Variants in PRKG1 observed in about 807,000 individuals in gnomAD.
PRKG1 encodes the protein protein kinase cGMP-dependent 1.
In PRKG1, 35 loss-of-function variants were observed where a neutral mutation model predicts 88.1. That is an observed-to-expected ratio of 0.40 (90% CI 0.30 to 0.53). PRKG1 has a LOEUF of 0.53. PRKG1 is among the 20% of genes least tolerant of loss of function. The probability of loss-of-function intolerance (pLI) is 0.59; values close to 1 mark genes in which losing one functional copy is unlikely to be tolerated. For synonymous variants in PRKG1, 303 were observed against 292.5 expected, an observed-to-expected ratio of 1.04 and a Z score of -0.37; for missense variants, 540 against 839.8, an observed-to-expected ratio of 0.64 and a Z score of 4.41.
intron 2 of PRKG1, among the ~76,000 whole-genome samples, chr10:51,219,644 A>T (rs1838473481): frequency 1.3e-5 from 2 of 151,896 alleles, no homozygotes; most frequent in African/African-American, 4.8e-5. Context: ...CAGGAGGCAG[A>T]GGTTGCAGTG....
intron 1 of PRKG1, among the ~76,000 whole-genome samples, chr10:51,040,345 G>A (rs1344867705): frequency 3.8e-5 from 4 of 105,780 alleles, no homozygotes; most frequent in Admixed American, 2.8e-4. Flanking sequence ...TTGAGATGGC[G>A]TCTTGCTCTG....
chr10:51,433,561 C>T (rs1838832756), intron 2 of PRKG1, among the ~76,000 whole-genome samples: 1 of 151,938 alleles, frequency 6.6e-6, no homozygotes, highest in Non-Finnish European at 1.5e-5. Flanking sequence ...CCCTGCCAGG[C>T]CTTTGGCTTT....
At chr10:51,551,697 G>T (rs1028929496) in intron 3 of PRKG1, among the ~76,000 whole-genome samples, 1 of 151,642 alleles carries the variant, frequency 6.6e-6, no homozygotes, top group African/African-American at 2.4e-5. Flanking sequence ...ACTAATAATT[G>T]AGTGAGACTC....
intron 10 of PRKG1, among the ~76,000 whole-genome samples, chr10:52,270,947 G>A (rs1436963473): frequency 6.6e-6 from 1 of 151,772 alleles, no homozygotes; most frequent in Non-Finnish European, 1.5e-5. Context: ...AGAATATAAA[G>A]GCCCATATAA....
intron 1 of PRKG1, among the ~76,000 whole-genome samples, chr10:51,047,358 C>A (rs755053936): frequency 1.3e-5 from 2 of 152,150 alleles, no homozygotes; most frequent in Non-Finnish European, 2.9e-5. Flanking sequence ...TTGTGAGGAA[C>A]AAATGAGATA....
chr10:52,178,517 C>T (rs10824206), intron 9 of PRKG1, among the ~76,000 whole-genome samples: 64,351 of 151,552 alleles, frequency 0.42, 14,107 homozygotes, highest in African/African-American at 0.54. Context: ...TTCATTTGCT[C>T]GATGGTGTAC....
At chr10:51,231,166 G>GT (rs981820836) in intron 2 of PRKG1, among the ~76,000 whole-genome samples, 3 of 152,124 alleles carry the variant, frequency 2.0e-5, no homozygotes, top group Admixed American at 6.5e-5. Flanking sequence ...CAGCAAACAT[G>GT]TTTTACGTTA....
rs185963668 is a variant in PRKG1, at chr10:51,871,833, G to T, written c.699-35674G>T. Among the ~76,000 whole-genome samples, 356 of 152,266 alleles carry T rather than the reference G, an allele frequency of 2.3e-3. 6 individuals carry two copies. Among genetic ancestry groups the T allele is most frequent in the Non-Finnish European group, 6.5e-4 (44 of 68,012 alleles). ...ATACATGTGCAGAGTCTTGCTGCAG[G>T]GGGTGGATGGTGCAGGTGCCTATAG... On this transcript the variant is annotated intron_variant, in intron 4 of 17. Transcript: ENST00000373980.
chr10:51,816,582 T>C (rs1839593645), intron 4 of PRKG1, among the ~76,000 whole-genome samples: 1 of 148,644 alleles, frequency 6.7e-6, no homozygotes, highest in African/African-American at 2.5e-5. Context: ...TAATCATCCA[T>C]CCATAGTTAA....
At chr10:51,189,158 A>G (rs573118678) in intron 2 of PRKG1, among the ~76,000 whole-genome samples, 1 of 151,668 alleles carries the variant, frequency 6.6e-6, no homozygotes, top group South Asian at 2.1e-4. Context: ...CAGGAAAAAA[A>G]CTCTCTTTAG....
At chr10:51,923,005 A>G (rs1451128224) in intron 5 of PRKG1, among the ~76,000 whole-genome samples, 2 of 152,042 alleles carry the variant, frequency 1.3e-5, no homozygotes, top group African/African-American at 2.4e-5. Flanking sequence ...GAAATATCAA[A>G]TTATAATAAT....
In PRKG1 at chr10:51,275,450, T is replaced by C. The variant is rs372750581; in HGVS notation, c.478+122120T>C. ...TTTCTTTGGAAAATGTCTTTGCACA[T>C]CATTTCATAATGTATTTCCTCATAG... On this transcript the variant is annotated intron_variant, in intron 2 of 17. Transcript: ENST00000373980. Among the ~76,000 whole-genome samples, 20 of 152,346 alleles carry C rather than the reference T, an allele frequency of 1.3e-4. No individual in the cohort carries two copies. In the South Asian group the frequency reaches 1.9e-3, roughly 14 times the overall value.
chr10:52,000,479 G>A (rs575673809), intron 5 of PRKG1, among the ~76,000 whole-genome samples: 103 of 152,096 alleles, frequency 6.8e-4, no homozygotes, highest in African/African-American at 2.3e-3. Context: ...AATATAGAAG[G>A]TGAGAAATCA....
At chr10:52,011,394 T>A (rs114857723) in intron 5 of PRKG1, among the ~76,000 whole-genome samples, 1 of 152,216 alleles carries the variant, frequency 6.6e-6, no homozygotes, top group Non-Finnish European at 1.5e-5. Flanking sequence ...GAAGGATGAC[T>A]GAAAAAGCAG....
At chr10:51,351,659 A>G (rs1339470022) in intron 2 of PRKG1, among the ~76,000 whole-genome samples, 6 of 151,506 alleles carry the variant, frequency 4.0e-5, no homozygotes, top group East Asian at 1.9e-4. Context: ...TTTCAGATGG[A>G]TAGATTGCAA....
intron 7 of PRKG1, chr10:52,125,800 A>G (rs1847918890): frequency 6.6e-6 from 1 of 152,122 alleles, no homozygotes; most frequent in Non-Finnish European, 1.5e-5. Context: ...CTTTCTTATC[A>G]AGTCAATAAC....
intron 10 of PRKG1, among the ~76,000 whole-genome samples, chr10:52,265,996 T>C (rs984618218): frequency 6.6e-6 from 1 of 152,028 alleles, no homozygotes; most frequent in Non-Finnish European, 1.5e-5. Flanking sequence ...TTTTCCCTTT[T>C]TAGGAATTTT....
intron 3 of PRKG1, among the ~76,000 whole-genome samples, chr10:51,489,279 C>T (rs766192327): frequency 4.6e-5 from 7 of 152,142 alleles, no homozygotes; most frequent in East Asian, 3.9e-4. Context: ...TGTAGGCAGA[C>T]GGGACAGGCA....
At chr10:51,137,726 G>GGGTT (rs1437389281) in intron 1 of PRKG1, among the ~76,000 whole-genome samples, 2 of 152,178 alleles carry the variant, frequency 1.3e-5, no homozygotes, top group African/African-American at 2.4e-5. Flanking sequence ...ATGAGGCAGG[G>GGGTT]GGTTGATTTA....
Sources: allele counts gnomAD v4.1 joint callset (sites outside exome capture counted in the v4.1 genomes callset), GRCh38; gene constraint gnomAD v4.1.1; transcripts MANE v1.5; gene names NCBI Gene and HGNC (gene_info 2026-07-23, HGNC 2026-07-21).